SLC5A11: variants seen among roughly 807,000 people sequenced by gnomAD.
SLC5A11 encodes the protein solute carrier family 5 member 11, also known as sodium/myo-inositol cotransporter 2.
A neutral mutation model predicts 69.8 loss-of-function variants in SLC5A11; 48 were observed. That is an observed-to-expected ratio of 0.69 (90% CI 0.55 to 0.87). SLC5A11 has a LOEUF of 0.87. Ranked by LOEUF, SLC5A11 falls within the 40% of genes least tolerant of loss-of-function variation. SLC5A11 has a pLI of 0.00. For missense variants in SLC5A11, 784 were observed against 866.1 expected, an observed-to-expected ratio of 0.91 and a Z score of 1.19; for synonymous variants, 319 against 342.4, an observed-to-expected ratio of 0.93 and a Z score of 0.75.
chr16:24,882,951 C>A (rs1212737179), intron 7 of SLC5A11, among the ~76,000 whole-genome samples: 17 of 152,128 alleles, frequency 1.1e-4, no homozygotes, highest in Admixed American at 6.5e-4. Flanking sequence ...CAGCCCATTT[C>A]GAAGATTTTT....
At chr16:24,849,572 CAAAAAAAAA>C (rs1182615959) in intron 1 of SLC5A11, among the ~76,000 whole-genome samples, 22 of 38,480 alleles carry the variant, frequency 5.7e-4, no homozygotes, top group African/African-American at 2.3e-3. Flanking sequence ...GCCTTGGGGG[CAAAAAAAAA>C]AAAAAAAAAA....
intron 7 of SLC5A11, among the ~76,000 whole-genome samples, chr16:24,878,715 G>T (rs2047848176): frequency 6.6e-6 from 1 of 152,150 alleles, no homozygotes; most frequent in Admixed American, 6.6e-5. Flanking sequence ...ATTGAGGATG[G>T]GAGACAATGA....
chr16:24,898,861 G>C (rs1401004676), intron 10 of SLC5A11, among the ~76,000 whole-genome samples: 2 of 151,898 alleles, frequency 1.3e-5, no homozygotes, highest in Non-Finnish European at 2.9e-5. Context: ...TTGTCACCTA[G>C]GCTGGAGTAC....
rs796576626 is a variant in SLC5A11, at chr16:24,895,142, G to GA, written c.871-2822dup. Among the ~76,000 whole-genome samples the GA allele has an allele frequency of 2.7e-4, 39 of 145,156 alleles. 1 individual carries two copies. In the South Asian group the frequency reaches 3.1e-3, roughly 11 times the overall value. ...CCTGCCTCAGAAAAAAAGAAAGAAA[G>GA]AAAAAAAAAAGAACCATCCGACTAC... On this transcript the variant is annotated intron_variant, in intron 9 of 15. Coordinates refer to ENST00000347898, the Ensembl canonical transcript of SLC5A11.
intron 10 of SLC5A11, among the ~76,000 whole-genome samples, chr16:24,902,564 T>TTTTA (rs2049717916): frequency 6.8e-6 from 1 of 146,054 alleles, no homozygotes; most frequent in African/African-American, 2.5e-5. Flanking sequence ...TTTTTTTTTT[T>TTTTA]GAGACGGTGT....
chr16:24,902,545 T>A (rs2049713521), intron 10 of SLC5A11, among the ~76,000 whole-genome samples: 1 of 110,792 alleles, frequency 9.0e-6, no homozygotes, highest in Non-Finnish European at 1.9e-5. Context: ...GCCAATCAAG[T>A]CTTTTTTTTT....
At chr16:24,899,224 C>G (rs1786619677) in intron 10 of SLC5A11, among the ~76,000 whole-genome samples, 1 of 152,124 alleles carries the variant, frequency 6.6e-6, no homozygotes, top group African/African-American at 2.4e-5. Context: ...ATAGGTATCC[C>G]AGGCCAAATT....
chr16:24,851,969 TTCTCTCTCTC>T (rs59768610), intron 1 of SLC5A11, among the ~76,000 whole-genome samples: 3 of 140,064 alleles, frequency 2.1e-5, no homozygotes, highest in African/African-American at 8.3e-5. Context: ...CTTCCCTTGC[TTCTCTCTCTC>T]TCTCTCTCTC....
chr16:24,895,347 G>A (rs942583708), intron 9 of SLC5A11, among the ~76,000 whole-genome samples: 2 of 151,544 alleles, frequency 1.3e-5, no homozygotes, highest in African/African-American at 4.9e-5. Flanking sequence ...AAATTAGCCG[G>A]GCATGGTGGC....
chr16:24,896,257 G>A (rs1401508372), intron 9 of SLC5A11, among the ~76,000 whole-genome samples: 2 of 152,078 alleles, frequency 1.3e-5, no homozygotes, highest in African/African-American at 2.4e-5. Flanking sequence ...GGCTGAGGCA[G>A]GAGAATTGTT....
intron 5 of SLC5A11, among the ~76,000 whole-genome samples, chr16:24,873,251 A>G (rs111614430): frequency 0.013 from 869 of 66,078 alleles, 1 homozygote; most frequent in Non-Finnish European, 0.018. Context: ...GGGAGGGAGG[A>G]AGGAAGGAAG....
chr16:24,875,688 T>A, exon 6 of SLC5A11: 1 of 1,614,024 alleles, frequency 6.2e-7, no homozygotes, highest in South Asian at 1.1e-5. Flanking sequence ...CCCATCATCC[T>A]GGCTGTACTC....
intron 7 of SLC5A11, among the ~76,000 whole-genome samples, chr16:24,883,677 C>T (rs1035468074): frequency 3.9e-5 from 6 of 152,196 alleles, no homozygotes; most frequent in Non-Finnish European, 8.8e-5. Flanking sequence ...TCCGTGGGGG[C>T]CCTCTTCCTT....
intron 1 of SLC5A11, among the ~76,000 whole-genome samples, chr16:24,849,589 A>T (rs868789367): frequency 0.015 from 952 of 63,150 alleles, 3 homozygotes; most frequent in East Asian, 0.044. Context: ...AAAAAAAAAA[A>T]AAAAATATAT....
At chr16:24,897,807 T>G (rs2049286207) in intron 9 of SLC5A11, among the ~76,000 whole-genome samples, 167 bp from the exon 11 acceptor site, 1 of 152,196 alleles carries the variant, frequency 6.6e-6, no homozygotes, top group Non-Finnish European at 1.5e-5. Context: ...TTCACTACCA[T>G]GAGAACAGTA....
intron 1 of SLC5A11, among the ~76,000 whole-genome samples, chr16:24,851,969 TTCTCTC>T (rs59768610): frequency 9.3e-5 from 13 of 140,062 alleles, no homozygotes; most frequent in Admixed American, 4.5e-4. Context: ...CTTCCCTTGC[TTCTCTC>T]TCTCTCTCTC....
Position 24,875,455 on chromosome 16 carries a change from C to T in SLC5A11, c.373-172C>T, listed in dbSNP as rs148690206. On this transcript the variant is annotated intron_variant, in intron 5 of 15. Transcript: ENST00000347898. Reference sequence around the variant, plus strand: ...CCTTAGTCTCCCAAAGTGATGGGAACCAACTGTGCTGGGCCCCTCTCCTCC... The same window carrying T: ...CCTTAGTCTCCCAAAGTGATGGGAATCAACTGTGCTGGGCCCCTCTCCTCC... 5.7e-3 allele frequency among the ~76,000 whole-genome samples: 862 copies of T among 152,224 alleles called. 11 individuals are homozygous for T. Among genetic ancestry groups the T allele is most frequent in the African/African-American group, 0.02 (825 of 41,544 alleles).
At chr16:24,846,674 C>G (rs1209632011) in intron 1 of SLC5A11, 1 of 152,378 alleles carries the variant, frequency 6.6e-6, no homozygotes, top group Non-Finnish European at 1.5e-5. Context: ...CCCAGCTCTT[C>G]CACTTAACCA....
intron 5 of SLC5A11, 60 bp from the exon 7 acceptor site, chr16:24,875,567 G>C (rs2047614946): frequency 7.6e-7 from 1 of 1,314,048 alleles, no homozygotes; most frequent in African/African-American, 1.9e-5. Context: ...GGCTTGTGTG[G>C]GGGGGTCACG....
Sources: allele counts gnomAD v4.1 joint callset (sites outside exome capture counted in the v4.1 genomes callset), GRCh38; gene constraint gnomAD v4.1.1; transcripts MANE v1.5; gene names NCBI Gene and HGNC (gene_info 2026-07-23, HGNC 2026-07-21).